The following TRPV1 variants were observed in gnomAD, a reference collection of about 807,000 sequenced individuals.
The protein encoded by TRPV1 is OTRPC1.
Under a neutral mutation model 82.3 loss-of-function variants are expected in TRPV1, and 82 were observed. The ratio of observed to expected loss-of-function variants is 1.00; its 90% CI spans 0.83 to 1.20. The LOEUF (loss-of-function observed/expected upper bound fraction) is 1.20, where lower values mean the gene tolerates loss of function less well. Ranked by LOEUF, TRPV1 falls within the 50% of genes most tolerant of loss-of-function variation. The probability of loss-of-function intolerance (pLI) is 0.00; values close to 1 mark genes in which losing one functional copy is unlikely to be tolerated. For synonymous variants in TRPV1, 515 were observed against 467.7 expected, an observed-to-expected ratio of 1.10 and a Z score of -1.30; for missense variants, 1,067 against 1,096.8, an observed-to-expected ratio of 0.97 and a Z score of 0.38.
chr17:3,598,626 C>T lies in TRPV1; in HGVS notation c.-33-6243G>A, dbSNP rs1438746273. Among the ~76,000 whole-genome samples, 4 of 144,250 alleles carry T rather than the reference C, an allele frequency of 2.8e-5. No homozygotes were observed. The East Asian group carries it at 6.1e-4, about 22-fold the overall frequency. The allele number at this position is 144,250 out of a possible 152,430, so 94.6% of individuals were successfully genotyped here. A position where few individuals can be genotyped will look rare whatever the true frequency, so the allele number is the denominator to read the frequency against. On this transcript the variant is annotated intron_variant, in intron 2 of 16. Transcript: ENST00000572705. Reference sequence around the variant, plus strand: ...TGTCTCCCAGGCTGGAATGCAATGGCGCAATCTCGGCTCACTGCAACCTCT... The same window carrying T: ...TGTCTCCCAGGCTGGAATGCAATGGTGCAATCTCGGCTCACTGCAACCTCT...
chr17:3,606,577 C>G (rs2075297640), intron 2 of TRPV1, among the ~76,000 whole-genome samples: 1 of 152,198 alleles, frequency 6.6e-6, no homozygotes, highest in Admixed American at 6.5e-5. Context: ...TCTTCAGAAG[C>G]ATGCCGGCCT....
In TRPV1 at chr17:3,588,536, G is replaced by A. The variant is rs965149007; in HGVS notation, c.1045-169C>T. 1.3e-4 allele frequency among the ~76,000 whole-genome samples: 20 copies of A among 152,232 alleles called. 3 individuals carry two copies. Among genetic ancestry groups the A allele is most frequent in the East Asian group, 5.8e-4 (3 of 5,180 alleles). On this transcript the variant is annotated intron_variant, in intron 7 of 16. Coordinates refer to ENST00000572705, the MANE Select transcript of TRPV1 (RefSeq NM_080704.4). ...TGAGATCAACCAGCCGGCCGGGCAC[G>A]GGTGGCTCATGCCTGTAATCCCAGC...
chr17:3,577,401 G>T (rs1274147919), intron 12 of TRPV1, among the ~76,000 whole-genome samples, 197 bp downstream of exon 12: 2 of 152,138 alleles, frequency 1.3e-5, no homozygotes, highest in Non-Finnish European at 2.9e-5. Context: ...GTGTGCAGGG[G>T]GGGTCAGGTT....
chr17:3,573,920 A>C lies in TRPV1; in HGVS notation c.1816T>G (p.Ser606Ala), dbSNP rs1352675271. 2 of 1,607,082 alleles carry C rather than the reference A, an allele frequency of 1.2e-6. No homozygotes were observed. The highest frequency in any genetic ancestry group is 1.7e-5 in the Admixed American group (1 of 57,956). ...VTLIEDGKND[S>A]LPSESTSHRW... ...TGCGACGTGGACTCAGACGGCAGGG[A>C]GTCATTCTTCCCGTCTTCAATCAGC... Residue 606 changes from serine (S) to alanine (A), a missense_variant, in exon 14 of 17, where the codon TCC (serine) becomes GCC (alanine). Transcript: ENST00000572705.
chr17:3,573,643 C>T lies in TRPV1; in HGVS notation c.2093G>A (p.Trp698Ter). The T allele has an allele frequency of 1.2e-6, 2 of 1,612,796 alleles. No homozygotes were observed. Among genetic ancestry groups the T allele is most frequent in the East Asian group, 2.2e-5 (1 of 44,852 alleles). The change falls in exon 14 of 17, where the codon TGG becomes TAG. Residue 698 changes from tryptophan (W) to a stop codon, truncating the protein, a stop_gained. Coordinates refer to ENST00000572705, the MANE Select transcript of TRPV1 (RefSeq NM_080704.4). LOFTEE classifies it high-confidence loss of function. ...NKIAQESKNI[W>*]KLQRAITILD... ...ACTCCACCCACCCACCTGCAGCTTC[C>T]AGATGTTCTTGCTCTCCTGTGCGAT...
intron 3 of TRPV1, 103 bp downstream of exon 3, chr17:3,591,964 C>T (rs1165138761): frequency 4.8e-6 from 7 of 1,465,682 alleles, no homozygotes; most frequent in Non-Finnish European, 6.3e-6. Flanking sequence ...GCTCTCCAGC[C>T]CCCTGGCTTT....
In TRPV1 at chr17:3,588,211, C is replaced by T. The variant is rs61751059; in HGVS notation, c.1201G>A (p.Ala401Thr). The change falls in exon 8 of 17, where the codon GCC becomes ACC. Residue 401 changes from alanine (A) to threonine (T), a missense_variant. Physicochemically the swap from Ala to Thr is moderately conservative, Grantham distance 58 (BLOSUM62 0). Transcript: ENST00000572705. ...ACAGGGGTCTCGCTGCTGCTGTAGG[C>T]GATCACCTCCAGCACCGAGTTCTTC... The part of the protein sequence containing the change: ...CEKNSVLEVI[A>T]YSSSETPNRH... The T allele has an allele frequency of 2.5e-6, 4 of 1,569,952 alleles. No individual in the cohort carries two copies. The highest frequency in any genetic ancestry group is 2.7e-5 in the African/African-American group (2 of 73,710).
Position 3,590,981 on chromosome 17 carries a change from G to C in TRPV1, c.587C>G (p.Thr196Arg). The C allele has an allele frequency of 6.2e-7, 1 of 1,607,592 alleles. No homozygotes were observed. Among genetic ancestry groups the C allele is most frequent in the Non-Finnish European group, 8.5e-7 (1 of 1,177,740 alleles). ...CTCCTCACCCTTGTAGTAGCTGTCCGTGTAGCTGGCGTTGACAAGCTCCTT... is the reference window on the plus strand; with the variant it reads ...CTCCTCACCCTTGTAGTAGCTGTCCCTGTAGCTGGCGTTGACAAGCTCCTT... ...SLKELVNASYTDSYYKGQTAL... is the reference protein window; with the variant it reads ...SLKELVNASYRDSYYKGQTAL... Residue 196 changes from threonine to arginine, a missense_variant, in exon 5 of 17, where the codon ACG becomes AGG. Thr to Arg is a moderately conservative substitution (Grantham distance 71, BLOSUM62 -1). Transcript: ENST00000572705.
In TRPV1 at chr17:3,586,975, G is replaced by A. The variant is rs115996877; in HGVS notation, c.1225-1049C>T. Among the ~76,000 whole-genome samples the A allele has an allele frequency of 4.3e-3, 653 of 152,252 alleles. 5 individuals carry two copies. Among genetic ancestry groups the A allele is most frequent in the African/African-American group, 0.015 (623 of 41,538 alleles). On this transcript the variant is annotated intron_variant, in intron 8 of 16. Coordinates refer to ENST00000572705, the MANE Select transcript of TRPV1 (RefSeq NM_080704.4). The stretch of plus-strand genomic sequence containing the variant: ...CTTACTGCCTCAAGAGGCCTATGGA[G>A]ACTCACTGCCTGTAGGGAATACCTC...
chr17:3,571,805 A>C (rs2074857720), intron 15 of TRPV1, among the ~76,000 whole-genome samples, 166 bp from the exon 16 acceptor site: 1 of 152,114 alleles, frequency 6.6e-6, no homozygotes, highest in Non-Finnish European at 1.5e-5. Context: ...CAAAGATGTG[A>C]TCTCTGAGCA....
In TRPV1 at chr17:3,592,258, G is replaced by A. The variant is rs781359285; in HGVS notation, c.93C>T (p.Ser31=). 1.2e-6 allele frequency: 2 copies of A among 1,608,816 alleles called. No individual in the cohort carries two copies. Among genetic ancestry groups the A allele is most frequent in the South Asian group, 1.1e-5 (1 of 90,248 alleles). ...GCTGGGGCTTGGCTGGAGGTGGCCT[G>A]GAGTTAGGGTCTCCATCCAGGGGGT... The part of the protein sequence containing the change: ...CPDPLDGDPN[S]RPPPAKPQLS... Residue 31 remains serine, a synonymous_variant, in exon 3 of 17, where the codon TCC becomes TCT. Transcript: ENST00000572705.
rs200715984 is a variant in TRPV1 at position 3,565,643 on chromosome 17, G to C, written c.*1172C>G. 1 of 152,198 alleles carries C rather than the reference G, an allele frequency of 6.6e-6. No individual in the cohort carries two copies. The highest frequency in any genetic ancestry group is 1.5e-5 in the Non-Finnish European group (1 of 68,060). 9.4% of individuals were successfully genotyped at this position (152,198 alleles called of 1,614,324 possible). On this transcript the variant is annotated 3_prime_UTR_variant, in exon 17 of 17. Coordinates refer to ENST00000572705, the MANE Select transcript of TRPV1 (RefSeq NM_080704.4). ...GATCTTCTGGAGACTGTGATTGATC[G>C]TAAGGAAGGATGAAGAAGGCACTGC...
At chr17:3,593,114 G>A (rs774595836) in intron 2 of TRPV1, among the ~76,000 whole-genome samples, 22,987 of 96,592 alleles carry the variant, frequency 0.24, 2,267 homozygotes, top group Non-Finnish European at 0.27. Context: ...GTGTGTGTGT[G>A]TGTGTGTGTG....
intron 9 of TRPV1, among the ~76,000 whole-genome samples, chr17:3,584,628 T>A (rs11657738): frequency 3.2e-4 from 49 of 151,792 alleles, no homozygotes; most frequent in Non-Finnish European, 5.7e-4. Context: ...AAATCCCATC[T>A]CTACTAAAAA....
rs758489747 is a variant in TRPV1, at chr17:3,592,198, C to T, written c.153G>A (p.Gly51=). 1.2e-6 allele frequency: 2 copies of T among 1,613,308 alleles called. No homozygotes were observed. Among genetic ancestry groups the T allele is most frequent in the Admixed American group, 1.7e-5 (1 of 59,882 alleles). The change falls in exon 3 of 17, where the codon GGG becomes GGA. Residue 51 remains glycine, a synonymous_variant. Coordinates refer to ENST00000572705, the MANE Select transcript of TRPV1 (RefSeq NM_080704.4). ...STAKSRTRLF[G]KGDSEEAFPV... ...GGAAAGCCTCCTCCGAGTCACCCTT[C>T]CCAAAGAGCCGGGTGCGGCTCTTGG...
chr17:3,576,061 CA>C (rs35246256), intron 13 of TRPV1, among the ~76,000 whole-genome samples: 36,181 of 144,320 alleles, frequency 0.25, 4,600 homozygotes, highest in Non-Finnish European at 0.3. Flanking sequence ...ACTAAAAATA[CA>C]AAAAAAAAAA....
At chr17:3,595,620 A>G (rs200526963) in intron 2 of TRPV1, 1 of 152,218 alleles carries the variant, frequency 6.6e-6, no homozygotes, top group African/African-American at 2.4e-5. Context: ...TAAGCTAAGA[A>G]TAAGAATAGG....
intron 7 of TRPV1, 96 bp downstream of exon 7, chr17:3,589,711 C>T: frequency 7.1e-7 from 1 of 1,415,226 alleles, no homozygotes; most frequent in Non-Finnish European, 9.5e-7. Flanking sequence ...CCCGCACACA[C>T]AGATAGCGAC....
At chr17:3,581,837 A>G (rs907718712) in intron 10 of TRPV1, among the ~76,000 whole-genome samples, 1 of 145,496 alleles carries the variant, frequency 6.9e-6, no homozygotes, top group African/African-American at 2.5e-5. Context: ...GTGAGCCAAG[A>G]TCACACCACT....
Sources: allele counts gnomAD v4.1 joint callset (sites outside exome capture counted in the v4.1 genomes callset), GRCh38; gene constraint gnomAD v4.1.1; transcripts MANE v1.5; gene names NCBI Gene and HGNC (gene_info 2026-07-23, HGNC 2026-07-21).